Variants in GLIS1 observed in about 807,000 individuals in gnomAD.
GLIS1 encodes zinc finger protein GLIS1.
Under a neutral mutation model 63.8 loss-of-function variants are expected in GLIS1, and 24 were observed. The ratio of observed to expected loss-of-function variants is 0.38; its 90% CI spans 0.27 to 0.53. GLIS1 has a LOEUF of 0.53. Among genes scored for constraint, GLIS1 ranks in the 20% least tolerant of loss-of-function variants. GLIS1 has a pLI of 0.85. For missense variants in GLIS1, 1,036 were observed against 1,074.1 expected (o/e 0.96, Z 0.50); for synonymous variants, 450 against 482.5 (o/e 0.93, Z 0.88).
At chr1:53,706,353 G>A (rs1292033494) in intron 2 of GLIS1, among the ~76,000 whole-genome samples, 2 of 152,208 alleles carry the variant, frequency 1.3e-5, no homozygotes, top group African/African-American at 4.8e-5. Context: ...ACAGAGTCTG[G>A]CACACAGTAG....
intron 4 of GLIS1, among the ~76,000 whole-genome samples, chr1:53,548,428 T>G (rs1245849264): frequency 6.6e-6 from 1 of 152,236 alleles, no homozygotes; most frequent in African/African-American, 2.4e-5. Flanking sequence ...ATATCACGCA[T>G]GGACGCCTGC....
At chr1:53,668,515 C>G (rs550726633) in intron 2 of GLIS1, among the ~76,000 whole-genome samples, 93 of 152,290 alleles carry the variant, frequency 6.1e-4, no homozygotes, top group Middle Eastern at 6.8e-3. Flanking sequence ...GTGCACGCCA[C>G]CATGCCCGGC....
At chr1:53,729,856 C>T (rs1646842217) in intron 2 of GLIS1, among the ~76,000 whole-genome samples, 1 of 152,024 alleles carries the variant, frequency 6.6e-6, no homozygotes, top group East Asian at 1.9e-4. Context: ...AATTAGAAAC[C>T]CTATTTTGTT....
intron 8 of GLIS1, among the ~76,000 whole-genome samples, chr1:53,512,994 T>C (rs1422601865): frequency 6.6e-6 from 1 of 152,114 alleles, no homozygotes; most frequent in Non-Finnish European, 1.5e-5. Flanking sequence ...GAGGGCCTTA[T>C]AATGCCTTTC....
At chr1:53,629,140 T>C (rs1645625890) in intron 2 of GLIS1, among the ~76,000 whole-genome samples, 1 of 152,034 alleles carries the variant, frequency 6.6e-6, no homozygotes, top group African/African-American at 2.4e-5. Context: ...GCCCAGGCTC[T>C]CCAGCTATCT....
intron 2 of GLIS1, among the ~76,000 whole-genome samples, chr1:53,644,414 T>C (rs1526907): frequency 0.53 from 81,193 of 152,134 alleles, 23,217 homozygotes; most frequent in Non-Finnish European, 0.63. Context: ...CTGGCTGTCA[T>C]AGATGTTTGG....
chr1:53,540,340 A>G (rs1644630385), intron 4 of GLIS1, among the ~76,000 whole-genome samples: 1 of 152,148 alleles, frequency 6.6e-6, no homozygotes, highest in Non-Finnish European at 1.5e-5. Flanking sequence ...AGAGGGCCAC[A>G]GTGAATAAAA....
At chr1:53,681,466 G>C (rs1420814760) in intron 2 of GLIS1, among the ~76,000 whole-genome samples, 2 of 152,254 alleles carry the variant, frequency 1.3e-5, no homozygotes, top group Non-Finnish European at 1.5e-5. Flanking sequence ...AAGGGGCCTG[G>C]ACCCAAGTCA....
intron 2 of GLIS1, among the ~76,000 whole-genome samples, chr1:53,662,627 G>A (rs1428731493): frequency 6.6e-6 from 1 of 152,092 alleles, no homozygotes; most frequent in African/African-American, 2.4e-5. Context: ...GTTTCTAACA[G>A]GCTTAGCCAA....
intron 6 of GLIS1, among the ~76,000 whole-genome samples, chr1:53,521,397 GT>G (rs1204751837): frequency 6.6e-6 from 1 of 152,064 alleles, no homozygotes; most frequent in Non-Finnish European, 1.5e-5. Context: ...AGTGGAAATA[GT>G]TCAGGGCTAG....
intron 2 of GLIS1, among the ~76,000 whole-genome samples, chr1:53,683,235 T>C (rs991187294): frequency 7.9e-5 from 12 of 152,122 alleles, no homozygotes; most frequent in African/African-American, 2.7e-4. Context: ...CCTGAACATC[T>C]ACCAATGGCC....
At chr1:53,723,148 A>T (rs1180010381) in intron 2 of GLIS1, among the ~76,000 whole-genome samples, 1 of 152,056 alleles carries the variant, frequency 6.6e-6, no homozygotes, top group African/African-American at 2.4e-5. Flanking sequence ...AAATAAAAAT[A>T]AAAAATATGC....
At chr1:53,541,468 T>C (rs547525385) in intron 4 of GLIS1, among the ~76,000 whole-genome samples, 25 of 152,350 alleles carry the variant, frequency 1.6e-4, no homozygotes, top group Non-Finnish European at 1.2e-4. Flanking sequence ...CATATGTGCA[T>C]GAGGCCTAGT....
chr1:53,571,581 A>C (rs924157000), intron 4 of GLIS1, among the ~76,000 whole-genome samples: 2 of 147,956 alleles, frequency 1.4e-5, no homozygotes, highest in African/African-American at 5.2e-5. Context: ...TATGGATAAA[A>C]ATTTTTTTTT....
At chr1:53,702,678 T>C (rs1290526052) in intron 2 of GLIS1, among the ~76,000 whole-genome samples, 2 of 152,228 alleles carry the variant, frequency 1.3e-5, no homozygotes, top group Admixed American at 1.3e-4. Flanking sequence ...CAGTCTGCCC[T>C]GAAATTCAAC....
Position 53,523,020 on chromosome 1 carries a change from C to T in GLIS1, c.1593+1757G>A, listed in dbSNP as rs1228208317. ...TTTTTTTTTTTGAGACAGGGTCTTG[C>T]TCTGTCACTCAGGCTGGTGTGCAGT... On this transcript the variant is annotated intron_variant, in intron 6 of 10. Coordinates refer to ENST00000628545, the MANE Select transcript of GLIS1 (RefSeq NM_001367484.1). 4.6e-5 allele frequency among the ~76,000 whole-genome samples: 6 copies of T among 129,240 alleles called. No individual in the cohort carries two copies. The East Asian group carries it at 8.7e-4, about 19-fold the overall frequency. The allele number at this position is 129,240 out of a possible 152,430, so 84.8% of individuals were successfully genotyped here. A position where few individuals can be genotyped will look rare whatever the true frequency, so the allele number is the denominator to read the frequency against.
At chr1:53,691,843 T>A (rs1646409386) in intron 2 of GLIS1, among the ~76,000 whole-genome samples, 1 of 152,136 alleles carries the variant, frequency 6.6e-6, no homozygotes, top group African/African-American at 2.4e-5. Context: ...CCACCCAGCA[T>A]TACCAGGTTC....
chr1:53,653,416 C>G (rs11802941), intron 2 of GLIS1, among the ~76,000 whole-genome samples: 1 of 152,044 alleles, frequency 6.6e-6, no homozygotes, highest in South Asian at 2.1e-4. Context: ...CATCACAGCC[C>G]GGCGACCCCT....
chr1:53,548,615 C>G (rs80035247), intron 4 of GLIS1, among the ~76,000 whole-genome samples: 1,569 of 152,290 alleles, frequency 0.01, 24 homozygotes, highest in African/African-American at 0.033. Context: ...CTGAGGTGCT[C>G]TGACAAGGTA....
Sources: allele counts gnomAD v4.1 joint callset (sites outside exome capture counted in the v4.1 genomes callset), GRCh38; gene constraint gnomAD v4.1.1; transcripts MANE v1.5; gene names NCBI Gene and HGNC (gene_info 2026-07-23, HGNC 2026-07-21).